Variants in NCAPD3 observed in about 807,000 individuals in gnomAD.
The protein encoded by NCAPD3 is non-SMC condensin II complex subunit D3, also known as condensin-2 complex subunit D3.
Under a neutral mutation model 182.9 loss-of-function variants are expected in NCAPD3, and 105 were observed. That is an observed-to-expected ratio of 0.57 (90% CI 0.49 to 0.68). The LOEUF is 0.68. Among genes scored for constraint, NCAPD3 ranks in the 30% least tolerant of loss-of-function variants. NCAPD3 has a pLI of 0.00. For synonymous variants in NCAPD3, 815 were observed against 679.9 expected, an observed-to-expected ratio of 1.20 and a Z score of -3.09; for missense variants, 1,944 against 1,837.0, an observed-to-expected ratio of 1.06 and a Z score of -1.07.
intron 27 of NCAPD3, 136 bp downstream of exon 27, chr11:134,167,860 C>T: frequency 2.3e-6 from 2 of 864,692 alleles, no homozygotes; most frequent in Non-Finnish European, 3.6e-6. Context: ...GAGCAGCACA[C>T]TCGTGAGATG....
intron 3 of NCAPD3, among the ~76,000 whole-genome samples, chr11:134,211,681 A>G (rs1591861871): frequency 6.6e-6 from 1 of 152,182 alleles, no homozygotes; most frequent in African/African-American, 2.4e-5. Flanking sequence ...AAACATTATC[A>G]TGAGGAGAGA....
chr11:134,182,938 C>A (rs566812260), intron 19 of NCAPD3: 9 of 315,942 alleles, frequency 2.8e-5, no homozygotes, highest in Non-Finnish European at 5.7e-5. Context: ...GAGGTTGTGT[C>A]GGCAGATTAA....
intron 19 of NCAPD3, among the ~76,000 whole-genome samples, chr11:134,181,980 A>G (rs1284352920): frequency 6.6e-6 from 1 of 152,218 alleles, no homozygotes; most frequent in African/African-American, 2.4e-5. Flanking sequence ...ACTATGAGCA[A>G]TGCTTTTAGT....
intron 31 of NCAPD3, 114 bp from the exon 32 acceptor site, chr11:134,157,209 A>C (rs1045036223): frequency 1.3e-6 from 1 of 748,586 alleles, no homozygotes; most frequent in African/African-American, 1.8e-5. Flanking sequence ...ACTAGTGTTT[A>C]CAATTTTCTT....
At chr11:134,168,837 C>T in intron 25 of NCAPD3, 80 bp downstream of exon 25, 7 of 1,520,256 alleles carry the variant, frequency 4.6e-6, no homozygotes, top group Non-Finnish European at 6.2e-6. Flanking sequence ...CCAATCACTA[C>T]ATGCAAAGAG....
chr11:134,220,407 G>A (rs1938183031), intron 2 of NCAPD3, among the ~76,000 whole-genome samples, 165 bp downstream of exon 2: 1 of 151,348 alleles, frequency 6.6e-6, no homozygotes, highest in African/African-American at 2.4e-5. Context: ...GCTTTTGGAG[G>A]AAAGCTCTTA....
intron 16 of NCAPD3, among the ~76,000 whole-genome samples, chr11:134,191,901 A>G (rs1037597517): frequency 6.6e-6 from 1 of 152,252 alleles, no homozygotes; most frequent in Non-Finnish European, 1.5e-5. Flanking sequence ...GCGGATGCTG[A>G]ACAGACTGTA....
At chr11:134,168,384 C>T in intron 26 of NCAPD3, 85 bp downstream of exon 26, 1 of 1,579,978 alleles carries the variant, frequency 6.3e-7, no homozygotes, top group South Asian at 1.1e-5. Flanking sequence ...CCAGGGTCTC[C>T]CTTACTAGAG....
chr11:134,195,978 G>A (rs1043686285), intron 13 of NCAPD3, among the ~76,000 whole-genome samples: 8 of 152,126 alleles, frequency 5.3e-5, no homozygotes, highest in Admixed American at 4.6e-4. Flanking sequence ...AACACACTTT[G>A]GGAACTGCTT....
At chr11:134,209,117 T>TG in intron 6 of NCAPD3, 28 bp downstream of exon 6, 1 of 1,603,880 alleles carries the variant, frequency 6.2e-7, no homozygotes, top group Non-Finnish European at 8.5e-7. Context: ...ATACTTAAAT[T>TG]GTAGCACTGG....
intron 24 of NCAPD3, among the ~76,000 whole-genome samples, chr11:134,170,944 T>A (rs1943992374): frequency 6.6e-6 from 1 of 152,204 alleles, no homozygotes; most frequent in South Asian, 2.1e-4. Flanking sequence ...GATGCACAAA[T>A]CCTGCAAGCT....
At position 134,178,876 on chromosome 11, in the gene NCAPD3, G is replaced by A. The variant is rs770611725; in HGVS notation, c.2620C>T (p.Arg874Cys). 41 of 1,613,972 alleles carry A rather than the reference G, an allele frequency of 2.5e-5. No homozygotes were observed. The highest frequency in any genetic ancestry group is 3.0e-5 in the Non-Finnish European group (35 of 1,180,034). Residue 874 changes from arginine (R) to cysteine (C), a missense_variant, in exon 21 of 35, where the codon CGC (arginine) becomes TGC (cysteine). Arg to Cys is a radical substitution (Grantham distance 180, BLOSUM62 -3). Transcript: ENST00000534548. ...AQLCPARVEK[R>C]IFLLIQSVLA... ...ACGGACTGAATCAGAAGGAAGATGC[G>A]CTTCTCCACCCTGGCTGGACACAGC...
intron 32 of NCAPD3, chr11:134,153,653 G>A (rs1943329431): frequency 2.1e-6 from 1 of 477,738 alleles, no homozygotes; most frequent in Non-Finnish European, 3.8e-6. Flanking sequence ...TTCCATCATT[G>A]CCCCTGTCCC....
rs1944362072 is a variant in NCAPD3 at position 134,184,690 on chromosome 11, C to T, written c.2398G>A (p.Asp800Asn). Residue 800 changes from aspartate (D) to asparagine (N), a missense_variant, in exon 19 of 35, where the codon GAC (aspartate) becomes AAC (asparagine). Asp to Asn is a conservative substitution (Grantham distance 23). Transcript: ENST00000534548. Reference protein sequence around the residue: ...WSLEVISSAVDALQRLCRASA... With the variant: ...WSLEVISSAVNALQRLCRASA... ...GCTCTACAAAGCCTCTGCAAGGCGT[C>T]AACAGCTGAACTGATCACCTCTAGA... The T allele has an allele frequency of 5.6e-6, 9 of 1,614,042 alleles. No homozygotes were observed. Among genetic ancestry groups the T allele is most frequent in the Non-Finnish European group, 7.6e-6 (9 of 1,179,992 alleles).
At chr11:134,182,939 G>A (rs967117737) in intron 19 of NCAPD3, 3 of 311,528 alleles carry the variant, frequency 9.6e-6, no homozygotes, top group African/African-American at 4.5e-5. Flanking sequence ...AGGTTGTGTC[G>A]GCAGATTAAA....
chr11:134,176,335 G>A lies in NCAPD3; in HGVS notation c.3073C>T (p.Leu1025=). Residue 1025 remains leucine, a synonymous_variant, in exon 24 of 35, where the codon CTG becomes TTG. Coordinates refer to ENST00000534548, the MANE Select transcript of NCAPD3 (RefSeq NM_015261.3). ...GCAATGTCTGGGTGTGAATCGATCA[G>A]AGTGCTGACAAATCGGAAGAACAGG... ...GSLFFRFVST[L]IDSHPDIASF... The A allele has an allele frequency of 6.2e-7, 1 of 1,614,132 alleles. No individual in the cohort carries two copies. The highest frequency in any genetic ancestry group is 2.2e-5 in the East Asian group (1 of 44,878).
intron 32 of NCAPD3, among the ~76,000 whole-genome samples, chr11:134,155,796 C>T (rs753429435): frequency 2.0e-5 from 3 of 151,046 alleles, no homozygotes; most frequent in Admixed American, 6.6e-5. Context: ...CTGTCCACGA[C>T]GCAGGATCCC....
At chr11:134,218,850 T>C (rs1006041781) in intron 2 of NCAPD3, among the ~76,000 whole-genome samples, 1 of 152,236 alleles carries the variant, frequency 6.6e-6, no homozygotes, top group Non-Finnish European at 1.5e-5. Context: ...GGGCTCTCCC[T>C]GCACACAATT....
intron 27 of NCAPD3, 28 bp downstream of exon 27, chr11:134,167,968 G>T (rs1314324125): frequency 6.2e-7 from 1 of 1,606,266 alleles, no homozygotes; most frequent in Non-Finnish European, 8.5e-7. Context: ...CTTGTGAGAA[G>T]ATGATCTTAG....
Sources: allele counts gnomAD v4.1 joint callset (sites outside exome capture counted in the v4.1 genomes callset), GRCh38; gene constraint gnomAD v4.1.1; transcripts MANE v1.5; gene names NCBI Gene and HGNC (gene_info 2026-07-23, HGNC 2026-07-21).